Variants in RFX7 observed in about 807,000 individuals in gnomAD.
RFX7 encodes DNA-binding protein RFX7.
In RFX7, 26 loss-of-function variants were observed where a neutral mutation model predicts 111.8. The observed-to-expected ratio is 0.23, with a 90% CI of 0.17 to 0.32. RFX7 has a LOEUF of 0.32. RFX7 is among the 10% of genes least tolerant of loss of function. The pLI is 1.00. For synonymous variants in RFX7, 624 were observed against 624.4 expected, an observed-to-expected ratio of 1.00 and a Z score of 0.01; for missense variants, 1,573 against 1,772.9, an observed-to-expected ratio of 0.89 and a Z score of 2.02.
At chr15:56,121,048 CTG>C (rs1267034485) in intron 5 of RFX7, among the ~76,000 whole-genome samples, 1 of 152,142 alleles carries the variant, frequency 6.6e-6, no homozygotes, top group Non-Finnish European at 1.5e-5. Flanking sequence ...TTATAATAGT[CTG>C]TGTTTTTTTC....
At chr15:56,137,752 A>G (rs2042325887) in intron 5 of RFX7, among the ~76,000 whole-genome samples, 2 of 152,124 alleles carry the variant, frequency 1.3e-5, no homozygotes, top group South Asian at 4.2e-4. Context: ...GTGGGCATTT[A>G]GTGCTATAAA....
chr15:56,102,325 C>A, intron 6 of RFX7, 72 bp from the exon 7 acceptor site: 5 of 837,392 alleles, frequency 6.0e-6, no homozygotes, highest in South Asian at 3.8e-5. Flanking sequence ...TTAAAAGTAA[C>A]CATATATGAA....
At chr15:56,211,020 T>G (rs1045389208) in intron 2 of RFX7, among the ~76,000 whole-genome samples, 10 of 152,008 alleles carry the variant, frequency 6.6e-5, no homozygotes, top group African/African-American at 2.4e-4. Context: ...TGCCAACAAA[T>G]GTAATAACAT....
intron 2 of RFX7, among the ~76,000 whole-genome samples, chr15:56,181,778 C>T (rs2042976147): frequency 6.6e-6 from 1 of 151,790 alleles, no homozygotes; most frequent in Non-Finnish European, 1.5e-5. Flanking sequence ...TCACAAACAA[C>T]TTGGTAAACC....
At chr15:56,196,817 G>A (rs1441539278) in intron 2 of RFX7, among the ~76,000 whole-genome samples, 1 of 152,112 alleles carries the variant, frequency 6.6e-6, no homozygotes, top group East Asian at 1.9e-4. Context: ...GGCTCTTAAC[G>A]GTATTTCCAG....
chr15:56,238,895 A>AG (rs1484877049), intron 2 of RFX7, among the ~76,000 whole-genome samples: 1 of 152,096 alleles, frequency 6.6e-6, no homozygotes, highest in East Asian at 1.9e-4. Context: ...GTGCAGTGGC[A>AG]TGATCTCGGC....
chr15:56,180,063 C>A (rs147544688), intron 2 of RFX7, among the ~76,000 whole-genome samples: 2 of 152,014 alleles, frequency 1.3e-5, no homozygotes, highest in Admixed American at 1.3e-4. Context: ...GCAAAGAAAT[C>A]GTGCAAAATG....
chr15:56,115,531 GAC>G (rs768597473), intron 5 of RFX7, among the ~76,000 whole-genome samples: 42 of 152,024 alleles, frequency 2.8e-4, no homozygotes, highest in African/African-American at 8.0e-4. Context: ...TTAAAGCAAA[GAC>G]ACACACACAC....
intron 2 of RFX7, among the ~76,000 whole-genome samples, chr15:56,182,693 C>T (rs1046038200): frequency 3.3e-5 from 5 of 152,126 alleles, no homozygotes; most frequent in African/African-American, 9.7e-5. Flanking sequence ...ATTTTAACTA[C>T]TAAAAATTAT....
chr15:56,140,555 A>T (rs2042378140), intron 5 of RFX7, among the ~76,000 whole-genome samples: 1 of 152,192 alleles, frequency 6.6e-6, no homozygotes, highest in Non-Finnish European at 1.5e-5. Context: ...CCTCAGATGG[A>T]AATGCAGAAA....
At chr15:56,233,921 C>T (rs1039532416) in intron 2 of RFX7, among the ~76,000 whole-genome samples, 11 of 152,162 alleles carry the variant, frequency 7.2e-5, no homozygotes, top group African/African-American at 2.7e-4. Context: ...ATTCCTTAGT[C>T]AAGCAAATTT....
At chr15:56,234,369 T>C (rs2043600120) in intron 2 of RFX7, among the ~76,000 whole-genome samples, 1 of 152,240 alleles carries the variant, frequency 6.6e-6, no homozygotes, top group Non-Finnish European at 1.5e-5. Context: ...CATGATTCTA[T>C]AAATTCAGAA....
chr15:56,204,223 T>C (rs1222414882), intron 2 of RFX7, among the ~76,000 whole-genome samples: 1 of 152,066 alleles, frequency 6.6e-6, no homozygotes, highest in Non-Finnish European at 1.5e-5. Flanking sequence ...TTCACCATGT[T>C]GCCTAGGCTG....
chr15:56,232,997 T>G (rs11071256), intron 2 of RFX7, among the ~76,000 whole-genome samples: 10,206 of 152,266 alleles, frequency 0.067, 463 homozygotes, highest in Admixed American at 0.11. Context: ...CTCTCCAAAC[T>G]GTTCCAGTCT....
chr15:56,207,419 A>T (rs1455726978), intron 2 of RFX7, among the ~76,000 whole-genome samples: 1 of 152,206 alleles, frequency 6.6e-6, no homozygotes, highest in South Asian at 2.1e-4. Context: ...AAATGACTAA[A>T]GTGGTAAATT....
intron 5 of RFX7, among the ~76,000 whole-genome samples, chr15:56,138,644 T>C (rs1246348987): frequency 3.9e-5 from 6 of 152,154 alleles, no homozygotes; most frequent in Non-Finnish European, 1.5e-5. Flanking sequence ...ATGTGTGAAT[T>C]TGATCCTGTC....
chr15:56,112,379 C>CAAAGAAAAAAA (rs2041950321), intron 5 of RFX7, among the ~76,000 whole-genome samples: 1 of 71,768 alleles, frequency 1.4e-5, no homozygotes, highest in Non-Finnish European at 2.6e-5. Flanking sequence ...GAGTACAAAT[C>CAAAGAAAAAAA]AAAAAAAAAA....
At chr15:56,137,381 A>C (rs2042319214) in intron 5 of RFX7, among the ~76,000 whole-genome samples, 1 of 152,216 alleles carries the variant, frequency 6.6e-6, no homozygotes. Flanking sequence ...CATTTCTTCT[A>C]GATTTTCTAG....
At chr15:56,133,109 T>C (rs1408987090) in intron 5 of RFX7, among the ~76,000 whole-genome samples, 10 of 152,248 alleles carry the variant, frequency 6.6e-5, no homozygotes, top group South Asian at 6.2e-4. Context: ...ACTTTCATGA[T>C]GAATATACAT....
Sources: allele counts gnomAD v4.1 joint callset (sites outside exome capture counted in the v4.1 genomes callset), GRCh38; gene constraint gnomAD v4.1.1; transcripts MANE v1.5; gene names NCBI Gene and HGNC (gene_info 2026-07-23, HGNC 2026-07-21).